SYT1: variants seen among roughly 807,000 people sequenced by gnomAD.
The protein encoded by SYT1 is synaptotagmin-1.
SYT1 carries 8 observed loss-of-function variants against 44.8 expected under a neutral mutation model. The observed-to-expected ratio is 0.18, with a 90% confidence interval of 0.10 to 0.32. The LOEUF is 0.32. Ranked by LOEUF, SYT1 falls within the 10% of genes least tolerant of loss-of-function variation. The pLI is 1.00. For missense variants in SYT1, 286 were observed against 509.3 expected (o/e 0.56, Z 4.22); for synonymous variants, 154 against 188.8 (o/e 0.82, Z 1.51).
chr12:79,135,536 T>C (rs149124229), intron 3 of SYT1, among the ~76,000 whole-genome samples: 20 of 152,210 alleles, frequency 1.3e-4, no homozygotes, highest in African/African-American at 4.6e-4. Flanking sequence ...ACAAGATAAA[T>C]AAATATGAAA....
intron 9 of SYT1, among the ~76,000 whole-genome samples, chr12:79,374,305 A>C (rs1883906854): frequency 6.6e-6 from 1 of 152,182 alleles, no homozygotes; most frequent in Admixed American, 6.5e-5. Context: ...AGAGAAACTA[A>C]AGGTTTCAAG....
chr12:79,092,108 T>C (rs1251165828), intron 3 of SYT1, among the ~76,000 whole-genome samples: 2 of 152,046 alleles, frequency 1.3e-5, no homozygotes, highest in South Asian at 2.1e-4. Context: ...TTCCCAAAAA[T>C]ATATTCAGGT....
chr12:79,120,821 T>C (rs1319175319), intron 3 of SYT1, among the ~76,000 whole-genome samples: 2 of 152,070 alleles, frequency 1.3e-5, no homozygotes, highest in Non-Finnish European at 2.9e-5. Context: ...GAAAATCCAA[T>C]GCATGTAGCA....
chr12:79,104,773 G>C (rs572357448), intron 3 of SYT1, among the ~76,000 whole-genome samples: 1 of 152,148 alleles, frequency 6.6e-6, no homozygotes, highest in Admixed American at 6.5e-5. Flanking sequence ...GCTTGAAAGA[G>C]TAAGTTGCAA....
chr12:78,931,207 G>T (rs1277388515), intron 1 of SYT1, among the ~76,000 whole-genome samples: 2 of 42,700 alleles, frequency 4.7e-5, no homozygotes, highest in East Asian at 9.7e-4. Flanking sequence ...AAGAAAGAAA[G>T]AAAGAAAGAA....
intron 3 of SYT1, among the ~76,000 whole-genome samples, chr12:79,161,359 C>T (rs546128212): frequency 6.6e-6 from 1 of 152,120 alleles, no homozygotes; most frequent in Non-Finnish European, 1.5e-5. Context: ...AGTACAGTCA[C>T]ATGCTAGGTT....
At chr12:79,247,792 A>T (rs1592895214) in intron 4 of SYT1, among the ~76,000 whole-genome samples, 2 of 152,102 alleles carry the variant, frequency 1.3e-5, no homozygotes, top group African/African-American at 2.4e-5. Flanking sequence ...AAAAAAAAAT[A>T]AGAGTTGAAA....
chr12:79,308,641 AAAGAAAGAAAG>A (rs1368415473), intron 8 of SYT1, among the ~76,000 whole-genome samples: 14 of 149,342 alleles, frequency 9.4e-5, no homozygotes, highest in South Asian at 2.1e-4. Context: ...AGAAAGAAAG[AAAGAAAGAAAG>A]AAAGAAAAGA....
chr12:78,917,224 G>A (rs1876707646), intron 1 of SYT1, among the ~76,000 whole-genome samples: 1 of 152,052 alleles, frequency 6.6e-6, no homozygotes, highest in South Asian at 2.1e-4. Flanking sequence ...CTACACGGCA[G>A]CCTTTCAAGA....
At chr12:78,962,345 T>A (rs1247950163) in intron 1 of SYT1, among the ~76,000 whole-genome samples, 1 of 151,602 alleles carries the variant, frequency 6.6e-6, no homozygotes, top group African/African-American at 2.4e-5. Context: ...TTTTTTTTTT[T>A]TTTTTTGAGT....
intron 1 of SYT1, among the ~76,000 whole-genome samples, chr12:78,880,736 CT>C (rs150635666): frequency 2.7e-5 from 4 of 150,216 alleles, no homozygotes; most frequent in Admixed American, 6.7e-5. Flanking sequence ...AGGAAATTTT[CT>C]TTTTTTTTGT....
intron 8 of SYT1, among the ~76,000 whole-genome samples, chr12:79,333,972 T>TC (rs1333179486): frequency 2.0e-5 from 3 of 152,196 alleles, no homozygotes; most frequent in Non-Finnish European, 4.4e-5. Context: ...TTATACATGG[T>TC]CCGTGACATT....
In SYT1 at chr12:79,070,301, CTT is replaced by C. The variant is rs1188889750; in HGVS notation, c.-18+22940_-18+22941del. 3.3e-5 allele frequency among the ~76,000 whole-genome samples: 5 copies of C among 152,226 alleles called. No individual in the cohort carries two copies. The East Asian group carries it at 9.7e-4, about 29-fold the overall frequency. On this transcript the variant is annotated intron_variant, in intron 3 of 10. Coordinates refer to ENST00000261205, the MANE Select transcript of SYT1 (RefSeq NM_005639.3). ...GACCTCAAGAAATTCTAACAACACTCTTGAGAGAACATTTGCTCTTATTAACA... is the reference window on the plus strand; with the variant it reads ...GACCTCAAGAAATTCTAACAACACTCGAGAGAACATTTGCTCTTATTAACA...
intron 3 of SYT1, among the ~76,000 whole-genome samples, chr12:79,170,853 A>G (rs550424081): frequency 6.6e-6 from 1 of 152,068 alleles, no homozygotes; most frequent in South Asian, 2.1e-4. Flanking sequence ...TAAGACTTTA[A>G]TCTATTTTAT....
chr12:79,140,902 T>C (rs542447213), intron 3 of SYT1, among the ~76,000 whole-genome samples: 1 of 152,312 alleles, frequency 6.6e-6, no homozygotes, highest in Admixed American at 6.5e-5. Context: ...ATAAGTCCTC[T>C]AGTCACTACC....
intron 9 of SYT1, among the ~76,000 whole-genome samples, chr12:79,368,845 G>A (rs1200706917): frequency 6.6e-6 from 1 of 152,144 alleles, no homozygotes; most frequent in East Asian, 1.9e-4. Context: ...CCATTCTGTA[G>A]GTTGCCTGTT....
intron 3 of SYT1, among the ~76,000 whole-genome samples, chr12:79,162,545 G>C (rs1350960255): frequency 1.3e-5 from 2 of 151,994 alleles, no homozygotes; most frequent in African/African-American, 4.8e-5. Context: ...CTTCTCTCTG[G>C]CCTTCTCAGA....
chr12:79,173,763 C>T (rs1404837299), intron 3 of SYT1, among the ~76,000 whole-genome samples: 1 of 151,884 alleles, frequency 6.6e-6, no homozygotes, highest in African/African-American at 2.4e-5. Context: ...CAAAAAGGAC[C>T]CAGTTAACAT....
intron 2 of SYT1, among the ~76,000 whole-genome samples, chr12:79,006,502 A>G (rs1179275932): frequency 6.6e-6 from 1 of 152,100 alleles, no homozygotes; most frequent in Non-Finnish European, 1.5e-5. Context: ...ACTAAGAATG[A>G]TGATGATGAT....
Sources: allele counts gnomAD v4.1 joint callset (sites outside exome capture counted in the v4.1 genomes callset), GRCh38; gene constraint gnomAD v4.1.1; transcripts MANE v1.5; gene names NCBI Gene and HGNC (gene_info 2026-07-23, HGNC 2026-07-21).